Variants in FBXO41 observed in about 807,000 individuals in gnomAD.
FBXO41 encodes the protein F-box only protein 41.
FBXO41 carries 33 observed loss-of-function variants against 81.6 expected under a neutral mutation model. The observed-to-expected ratio is 0.40, with a 90% CI of 0.31 to 0.54. FBXO41 has a LOEUF of 0.54. FBXO41 is among the 20% of genes least tolerant of loss of function. The pLI is 0.39. For synonymous variants in FBXO41, 576 were observed against 552.7 expected, an observed-to-expected ratio of 1.04 and a Z score of -0.59; for missense variants, 1,107 against 1,236.0, an observed-to-expected ratio of 0.90 and a Z score of 1.56.
In FBXO41 at chr2:73,262,235, A is replaced by T. The variant is rs1307483922; in HGVS notation, c.2171+978T>A. On this transcript the variant is annotated intron_variant, in intron 9 of 12. Coordinates refer to ENST00000520530, the MANE Select transcript of FBXO41 (RefSeq NM_001371389.2). Reference sequence around the variant, plus strand: ...AAGACTCTGTCTCAAAAACTAAATAAAAAAAAAAAAAGAAATTATTGCAAA... The same window carrying T: ...AAGACTCTGTCTCAAAAACTAAATATAAAAAAAAAAAGAAATTATTGCAAA... 2.4e-4 allele frequency among the ~76,000 whole-genome samples: 8 copies of T among 33,290 alleles called. No individual in the cohort carries two copies. The African/African-American group carries it at 2.7e-3, about 11-fold the overall frequency. 21.8% of individuals were successfully genotyped at this position (33,290 alleles called of 152,430 possible).
Position 73,265,613 on chromosome 2 carries a change from G to A in FBXO41, c.1233C>T (p.Ser411=), listed in dbSNP as rs764103915. Residue 411 remains serine, a synonymous_variant, in exon 5 of 13, where the codon TCC becomes TCT. Transcript: ENST00000520530. ...CACTGTCATAGCAGCCTGAGCTCTG[G>A]GATGCGGCTGGCACACGGCTGGAGG... is the stretch of plus-strand genomic sequence containing the variant. ...TGASSRVPAA[S]QSSGCYDSDS... is the part of the protein sequence containing the mutation. 3.4e-5 allele frequency: 51 copies of A among 1,521,674 alleles called. No individual in the cohort carries two copies. Among genetic ancestry groups the A allele is most frequent in the Non-Finnish European group, 4.5e-5 (51 of 1,136,140 alleles). The allele number at this position is 1,521,674 out of a possible 1,614,324, so 94.3% of individuals were successfully genotyped here.
intron 2 of FBXO41, among the ~76,000 whole-genome samples, chr2:73,268,407 G>T (rs1474175139): frequency 6.6e-6 from 1 of 152,188 alleles, no homozygotes; most frequent in Non-Finnish European, 1.5e-5. Flanking sequence ...GATGGAAAAG[G>T]AGAGGGGAGA....
rs1688274355 is a variant in FBXO41 at position 73,266,330 on chromosome 2, G to T, written c.1131+127C>A. On this transcript the variant is annotated intron_variant, in intron 3 of 12. Transcript: ENST00000520530. The surrounding 1 kb of genome is among the most constrained non-coding windows in gnomAD (Gnocchi z 5.3). Reference sequence around the variant, plus strand: ...AGGGGCTCCCCTGTTCCTGGCATCTGCTGGTGGGGTAAAAGCCAAAGAAGG... The same window carrying T: ...AGGGGCTCCCCTGTTCCTGGCATCTTCTGGTGGGGTAAAAGCCAAAGAAGG... The T allele has an allele frequency of 1.7e-6, 2 of 1,149,132 alleles. No individual in the cohort carries two copies. The highest frequency in any genetic ancestry group is 1.6e-5 in the African/African-American group (1 of 63,726). 71.2% of individuals were successfully genotyped at this position (1,149,132 alleles called of 1,614,324 possible). A position where few individuals can be genotyped will look rare whatever the true frequency, so the allele number is the denominator to read the frequency against.
In FBXO41 at chr2:73,264,043, A is replaced by T. The variant is rs768844602; in HGVS notation, c.1817T>A (p.Met606Lys). The T allele has an allele frequency of 1.9e-6, 3 of 1,595,442 alleles. No homozygotes were observed. Among genetic ancestry groups the T allele is most frequent in the Non-Finnish European group, 2.6e-6 (3 of 1,170,718 alleles). ...GGCCTGGGTGCACCACTGAGCCAGCATTGCCAGGAACTGTGGGGGAGGGGA... is the reference window on the plus strand; with the variant it reads ...GGCCTGGGTGCACCACTGAGCCAGCTTTGCCAGGAACTGTGGGGGAGGGGA... ...NARVCSKFLA[M>K]LAQWCTQAHS... The change falls in exon 7 of 13, where the codon ATG (methionine) becomes AAG (lysine). Residue 606 changes from methionine (M) to lysine (K), a missense_variant. Physicochemically the swap from Met to Lys is moderately conservative, Grantham distance 95 (BLOSUM62 -1). Around this residue, in one of 2 missense-constraint regions of FBXO41, gnomAD observed 336 missense variants for 446.7 expected, o/e 0.75. Transcript: ENST00000520530.
At chr2:73,277,116 A>T (rs1688720002) in intron 1 of FBXO41, among the ~76,000 whole-genome samples, 1 of 152,184 alleles carries the variant, frequency 6.6e-6, no homozygotes, top group African/African-American at 2.4e-5. Context: ...CAGCAGGGGA[A>T]GGGGAAAGTC....
intron 1 of FBXO41, among the ~76,000 whole-genome samples, chr2:73,270,277 G>A (rs1438704818): frequency 6.6e-6 from 1 of 152,194 alleles, no homozygotes; most frequent in African/African-American, 2.4e-5. Context: ...GGACTAGGAA[G>A]GGGCAGGAGG....
intron 4 of FBXO41, 40 bp from the exon 5 acceptor site, chr2:73,265,680 C>T: frequency 6.2e-6 from 9 of 1,460,266 alleles, no homozygotes; most frequent in Non-Finnish European, 7.3e-6. Context: ...GTAAGAGGCA[C>T]CAGGCCTACC....
Position 73,268,923 on chromosome 2 carries a change from C to T in FBXO41, c.708G>A (p.Arg236=), listed in dbSNP as rs955074463. 6.5e-7 allele frequency: 1 copy of T among 1,542,040 alleles called. No individual in the cohort carries two copies. The highest frequency in any genetic ancestry group is 8.7e-7 in the Non-Finnish European group (1 of 1,146,794). ...CCTTGCGCTCCAGCTCGGCCTGCAG[C>T]CGGCCCACCTGGCCCGCGATCTTCT... ...VEQKIAGQVG[R]LQAELERKAA... is the part of the protein sequence containing the mutation. The change falls in exon 2 of 13, where the codon CGG becomes CGA. Residue 236 remains arginine, a synonymous_variant. Coordinates refer to ENST00000520530, the MANE Select transcript of FBXO41 (RefSeq NM_001371389.2).
At chr2:73,280,934 C>T (rs1462810322) in intron 1 of FBXO41, among the ~76,000 whole-genome samples, 1 of 152,224 alleles carries the variant, frequency 6.6e-6, no homozygotes, top group Non-Finnish European at 1.5e-5. Flanking sequence ...ATTTCCACCA[C>T]TTGTTATCAT....
In FBXO41 at chr2:73,265,403, C is replaced by T. The variant is rs768113603; in HGVS notation, c.1443G>A (p.Gly481=). The T allele has an allele frequency of 2.1e-5, 34 of 1,610,764 alleles. No individual in the cohort carries two copies. The highest frequency in any genetic ancestry group is 3.3e-4 in the Middle Eastern group (2 of 6,080). ...QRRPRRHSTE[G]EEGDVSDVGS... is the part of the protein sequence containing the mutation. ...CAACGTCGGAGACATCACCCTCTTC[C>T]CCCTCAGTGCTGTGTCGGCGGGGTC... The change falls in exon 5 of 13, where the codon GGG becomes GGA. Residue 481 remains glycine (G), a synonymous_variant. Coordinates refer to ENST00000520530, the MANE Select transcript of FBXO41 (RefSeq NM_001371389.2).
chr2:73,279,488 A>G (rs1688787868), intron 1 of FBXO41, among the ~76,000 whole-genome samples: 1 of 152,164 alleles, frequency 6.6e-6, no homozygotes, highest in Non-Finnish European at 1.5e-5. Context: ...GAGGCAGAAG[A>G]ACAAAGAGGT....
rs1023071562 is a variant in FBXO41 at position 73,260,981 on chromosome 2, G to A, written c.2172-123C>T. ...TTCCTCCAACAACCCAGCAGGTCAAGTCAGAGAACCAGGATCATCCCTGAC... is the reference window on the plus strand; with the variant it reads ...TTCCTCCAACAACCCAGCAGGTCAAATCAGAGAACCAGGATCATCCCTGAC... On this transcript the variant is annotated intron_variant, in intron 9 of 12. Transcript: ENST00000520530. The surrounding 1 kb of genome is among the most constrained non-coding windows in gnomAD (Gnocchi z 5.0). 6 of 736,486 alleles carry A rather than the reference G, an allele frequency of 8.1e-6. No individual in the cohort carries two copies. Among genetic ancestry groups the A allele is most frequent in the Non-Finnish European group, 1.3e-5 (6 of 451,748 alleles). The allele number at this position is 736,486 out of a possible 1,614,324, so 45.6% of individuals were successfully genotyped here. A position where few individuals can be genotyped will look rare whatever the true frequency, so the allele number is the denominator to read the frequency against.
rs577759428 is a variant in FBXO41, at chr2:73,270,754, G to C, written c.-138-986C>G. On this transcript the variant is annotated intron_variant, in intron 1 of 12. Coordinates refer to ENST00000520530, the MANE Select transcript of FBXO41 (RefSeq NM_001371389.2). ...CCAACCCTCCTCACTGTCAACTCCTGCTGCCCCTCCATCTCTGGCTTCTTG... is the reference window on the plus strand; with the variant it reads ...CCAACCCTCCTCACTGTCAACTCCTCCTGCCCCTCCATCTCTGGCTTCTTG... The C allele has an allele frequency of 3.6e-5, 19 of 529,112 alleles. 1 individual carries two copies. The highest frequency in any genetic ancestry group is 2.7e-4 in the South Asian group (19 of 71,218). The allele number at this position is 529,112 out of a possible 1,614,324, so 32.8% of individuals were successfully genotyped here. A position where few individuals can be genotyped will look rare whatever the true frequency, so the allele number is the denominator to read the frequency against.
chr2:73,259,103 C>T lies in FBXO41; in HGVS notation c.2566-59G>A. 3 of 1,609,050 alleles carry T rather than the reference C, an allele frequency of 1.9e-6. No homozygotes were observed. The highest frequency in any genetic ancestry group is 2.5e-6 in the Non-Finnish European group (3 of 1,176,752). On this transcript the variant is annotated intron_variant, in intron 12 of 12. Coordinates refer to ENST00000520530, the MANE Select transcript of FBXO41 (RefSeq NM_001371389.2). This position sits in a 1 kb window ranked among gnomAD's most constrained non-coding sequence, Gnocchi z 4.2. ...GTGCCAGGCAGGTGGGGCCCTCCTG[C>T]CACACTCACCCAGGTCACCAGCCCC...
chr2:73,280,517 C>T (rs1042320889), intron 1 of FBXO41, among the ~76,000 whole-genome samples: 2 of 152,232 alleles, frequency 1.3e-5, no homozygotes, highest in African/African-American at 4.8e-5. Context: ...TTTGTCTCTG[C>T]TTCTCTCCCA....
chr2:73,283,106 T>C (rs1688892928), intron 1 of FBXO41, among the ~76,000 whole-genome samples: 2 of 152,260 alleles, frequency 1.3e-5, no homozygotes, highest in South Asian at 4.1e-4. Context: ...AGGAGGCATC[T>C]GCCAGCAGGT....
chr2:73,266,910 C>T lies in FBXO41; in HGVS notation c.906-228G>A. 1.9e-6 allele frequency: 1 copy of T among 538,074 alleles called. No homozygotes were observed. The highest frequency in any genetic ancestry group is 3.0e-6 in the Non-Finnish European group (1 of 329,930). 33.3% of individuals were successfully genotyped at this position (538,074 alleles called of 1,614,324 possible). A position where few individuals can be genotyped will look rare whatever the true frequency, so the allele number is the denominator to read the frequency against. ...ACACACTCACACCCCACCCACCTGG[C>T]CCCAGACCCTGCTCTCCACAGAAAT... On this transcript the variant is annotated intron_variant, in intron 2 of 12. Coordinates refer to ENST00000520530, the MANE Select transcript of FBXO41 (RefSeq NM_001371389.2). This position sits in a 1 kb window ranked among gnomAD's most constrained non-coding sequence, Gnocchi z 5.3.
In FBXO41 at chr2:73,277,647, C is replaced by CT. The variant is rs1049437144; in HGVS notation, c.-139+6512dup. Among the ~76,000 whole-genome samples, 282 of 145,284 alleles carry CT rather than the reference C, an allele frequency of 1.9e-3. 1 individual carries two copies. Among genetic ancestry groups the CT allele is most frequent in the Middle Eastern group, 7.0e-3 (2 of 284 alleles). ...CTACAGGCTGAACTAATCAGAGGTA[C>CT]TTTTTTTTTTTTTAAGGCTTACAGG... On this transcript the variant is annotated intron_variant, in intron 1 of 12. Coordinates refer to ENST00000520530, the MANE Select transcript of FBXO41 (RefSeq NM_001371389.2).
In FBXO41 at chr2:73,260,714, C is replaced by A; in HGVS notation, c.2290+26G>T. On this transcript the variant is annotated intron_variant, in intron 10 of 12. Transcript: ENST00000520530. The surrounding 1 kb of genome is among the most constrained non-coding windows in gnomAD (Gnocchi z 5.0). ...ACCCATGCCTGCTTCCCACTACCCA[C>A]CACCCCAGTCCAAGGAAAGACTCAC... 6.6e-7 allele frequency: 1 copy of A among 1,525,424 alleles called. No homozygotes were observed. The highest frequency in any genetic ancestry group is 1.7e-4 in the Middle Eastern group (1 of 5,856). 94.5% of individuals were successfully genotyped at this position (1,525,424 alleles called of 1,614,324 possible). A position where few individuals can be genotyped will look rare whatever the true frequency, so the allele number is the denominator to read the frequency against.
Sources: allele counts gnomAD v4.1 joint callset (sites outside exome capture counted in the v4.1 genomes callset), GRCh38; gene constraint gnomAD v4.1.1; regional missense constraint gnomAD v4.1.1; non-coding constraint Gnocchi (gnomAD v3.1); transcripts MANE v1.5; gene names NCBI Gene and HGNC (gene_info 2026-07-23, HGNC 2026-07-21).